Variants in GRM7 observed in about 807,000 individuals in gnomAD.
The protein encoded by GRM7 is glutamate metabotropic receptor 7.
Under a neutral mutation model 84.5 loss-of-function variants are expected in GRM7, and 35 were observed. The observed-to-expected ratio is 0.41, with a 90% CI of 0.32 to 0.55. The LOEUF (loss-of-function observed/expected upper bound fraction) is 0.55. Ranked by LOEUF, GRM7 falls within the 20% of genes least tolerant of loss-of-function variation. GRM7 has a pLI of 0.19. For missense variants in GRM7, 1,003 were observed against 1,194.6 expected (o/e 0.84, Z 2.36); for synonymous variants, 487 against 455.1 (o/e 1.07, Z -0.89).
chr3:7,352,099 A>ACACACACT (rs1491207613), intron 4 of GRM7, among the ~76,000 whole-genome samples: 1 of 144,670 alleles, frequency 6.9e-6, no homozygotes. Context: ...ACACACACAC[A>ACACACACT]CTCATATTCT....
At chr3:7,309,851 T>G (rs1370518859) in intron 4 of GRM7, among the ~76,000 whole-genome samples, 1 of 152,150 alleles carries the variant, frequency 6.6e-6, no homozygotes, top group Non-Finnish European at 1.5e-5. Flanking sequence ...GCCTGCCCAG[T>G]GTTTATGGGA....
At chr3:7,444,489 T>G (rs2124877269) in intron 5 of GRM7, among the ~76,000 whole-genome samples, 1 of 152,302 alleles carries the variant, frequency 6.6e-6, no homozygotes, top group East Asian at 1.9e-4. Flanking sequence ...TATATTAAGT[T>G]TTCTTATGTC....
chr3:7,274,583 T>A (rs180723150), intron 2 of GRM7, among the ~76,000 whole-genome samples: 1 of 152,216 alleles, frequency 6.6e-6, no homozygotes. Flanking sequence ...ACAAATTAAG[T>A]ATTTAACTCC....
chr3:6,868,454 A>C (rs1278365169), intron 1 of GRM7, among the ~76,000 whole-genome samples: 1 of 152,198 alleles, frequency 6.6e-6, no homozygotes, highest in Non-Finnish European at 1.5e-5. Flanking sequence ...ACTTGAGCAC[A>C]CAAACCCTTA....
chr3:7,410,051 C>T (rs942338150), intron 4 of GRM7, among the ~76,000 whole-genome samples: 6 of 152,184 alleles, frequency 3.9e-5, no homozygotes, highest in Middle Eastern at 3.4e-3. Context: ...TTGTGTCCAC[C>T]CTGACAACCA....
intron 2 of GRM7, among the ~76,000 whole-genome samples, chr3:7,180,030 A>G (rs978838635): frequency 4.5e-4 from 68 of 152,322 alleles, no homozygotes; most frequent in African/African-American, 1.5e-3. Context: ...TGACCTTAGA[A>G]TCTACCACCT....
chr3:7,506,946 A>G (rs1224742718), intron 7 of GRM7, among the ~76,000 whole-genome samples: 1 of 152,162 alleles, frequency 6.6e-6, no homozygotes, highest in African/African-American at 2.4e-5. Flanking sequence ...GAAACATACC[A>G]TAGCTCTCAC....
At chr3:7,683,285 C>A (rs1020028987) in intron 9 of GRM7, among the ~76,000 whole-genome samples, 1 of 152,246 alleles carries the variant, frequency 6.6e-6, no homozygotes, top group African/African-American at 2.4e-5. Flanking sequence ...AAATTGTATT[C>A]CAATGATTTC....
intron 7 of GRM7, among the ~76,000 whole-genome samples, chr3:7,531,596 G>T (rs1701038653): frequency 6.6e-6 from 1 of 152,036 alleles, no homozygotes; most frequent in Non-Finnish European, 1.5e-5. Context: ...GTTCACTCAT[G>T]ATTTGGCTCT....
intron 1 of GRM7, among the ~76,000 whole-genome samples, chr3:7,110,428 C>T (rs1162763794): frequency 6.6e-6 from 1 of 151,946 alleles, no homozygotes; most frequent in African/African-American, 2.4e-5. Context: ...TGGTGAAACC[C>T]CATTTCTACT....
chr3:7,693,781 T>C, intron 9 of GRM7: 4 of 738,260 alleles, frequency 5.4e-6, no homozygotes, highest in Middle Eastern at 2.3e-4. Context: ...GACCTTATCC[T>C]GTTTGCATGA....
chr3:7,274,495 C>G (rs981989925), intron 2 of GRM7, among the ~76,000 whole-genome samples: 1 of 151,916 alleles, frequency 6.6e-6, no homozygotes, highest in Non-Finnish European at 1.5e-5. Context: ...TTCATTTGCC[C>G]TTCACTTTTG....
chr3:7,132,886 A>G (rs564464782), intron 1 of GRM7, among the ~76,000 whole-genome samples: 2 of 152,342 alleles, frequency 1.3e-5, no homozygotes, highest in South Asian at 4.1e-4. Flanking sequence ...CATACAGCAT[A>G]CCATGTAGTT....
intron 2 of GRM7, among the ~76,000 whole-genome samples, chr3:7,184,458 A>G (rs1354889506): frequency 6.6e-6 from 1 of 152,128 alleles, no homozygotes; most frequent in Non-Finnish European, 1.5e-5. Flanking sequence ...AAATATTTTG[A>G]TAAAATATAT....
At chr3:7,070,080 C>G (rs1245034307) in intron 1 of GRM7, among the ~76,000 whole-genome samples, 2 of 152,038 alleles carry the variant, frequency 1.3e-5, no homozygotes, top group Non-Finnish European at 2.9e-5. Flanking sequence ...ATGTTTATAT[C>G]CTCTAAGTCT....
At chr3:6,981,668 T>G (rs1694205241) in intron 1 of GRM7, among the ~76,000 whole-genome samples, 1 of 152,166 alleles carries the variant, frequency 6.6e-6, no homozygotes, top group Admixed American at 6.5e-5. Context: ...GGGAGAGAAC[T>G]GCTTGGTTTC....
At chr3:7,312,100 C>G (rs1179024871) in intron 4 of GRM7, among the ~76,000 whole-genome samples, 1 of 152,126 alleles carries the variant, frequency 6.6e-6, no homozygotes, top group Non-Finnish European at 1.5e-5. Flanking sequence ...GAATCTGAGT[C>G]CTGTCTCCCT....
intron 1 of GRM7, among the ~76,000 whole-genome samples, chr3:6,869,237 C>G (rs953525626): frequency 6.6e-6 from 1 of 152,036 alleles, no homozygotes; most frequent in Non-Finnish European, 1.5e-5. Context: ...CCACTTACTG[C>G]CTGTCTGACG....
chr3:7,677,559 A>G (rs531203445), intron 8 of GRM7, among the ~76,000 whole-genome samples: 1 of 152,322 alleles, frequency 6.6e-6, no homozygotes, highest in South Asian at 2.1e-4. Flanking sequence ...GGCTGTAGAA[A>G]AAATATGATT....
Sources: allele counts gnomAD v4.1 joint callset (sites outside exome capture counted in the v4.1 genomes callset), GRCh38; gene constraint gnomAD v4.1.1; transcripts MANE v1.5; gene names NCBI Gene and HGNC (gene_info 2026-07-23, HGNC 2026-07-21).